Variants in CENPS observed in about 807,000 individuals in gnomAD.
CENPS encodes centromere protein S.
Under a neutral mutation model 17.9 loss-of-function variants are expected in CENPS, and 16 were observed. The observed-to-expected ratio is 0.90, with a 90% CI of 0.61 to 1.36. The LOEUF is 1.36. CENPS is among the 40% of genes most tolerant of loss of function. The pLI is 0.00. For missense variants in CENPS, 160 were observed against 158.6 expected (o/e 1.01, Z -0.05); for synonymous variants, 49 against 55.8 (o/e 0.88, Z 0.54).
chr1:10,430,601 G>A, intron 1 of CENPS, 33 bp downstream of exon 1: 7 of 1,527,946 alleles, frequency 4.6e-6, no homozygotes, highest in South Asian at 1.2e-5. Context: ...CTGGGCTGGG[G>A]CAGGACGGCG....
chr1:10,435,491 T>C (rs554836815), intron 3 of CENPS, among the ~76,000 whole-genome samples: 125 of 151,972 alleles, frequency 8.2e-4, no homozygotes, highest in Non-Finnish European at 1.6e-3. Context: ...CTGTGGATAT[T>C]CGTCCCTGAA....
At chr1:10,433,790 A>C in intron 1 of CENPS, 52 bp from the exon 2 acceptor site, 3 of 1,610,286 alleles carry the variant, frequency 1.9e-6, no homozygotes, top group Admixed American at 3.3e-5. Flanking sequence ...TAAGGCGTGA[A>C]AAGCTCTTAT....
At chr1:10,440,005 C>T (rs1471706117) in intron 3 of CENPS, 2 of 293,538 alleles carry the variant, frequency 6.8e-6, no homozygotes, top group Non-Finnish European at 1.3e-5. Flanking sequence ...GAGTTGTACA[C>T]TGACCTTCTT....
intron 4 of CENPS, among the ~76,000 whole-genome samples, chr1:10,441,476 G>T (rs1266015678): frequency 6.6e-6 from 1 of 151,078 alleles, no homozygotes. Flanking sequence ...CACCACACCC[G>T]GCTATTTTTG....
chr1:10,430,708 T>C (rs2124237955), intron 1 of CENPS, 140 bp downstream of exon 1: 1 of 364,658 alleles, frequency 2.7e-6, no homozygotes, highest in Non-Finnish European at 3.4e-6. Context: ...TGCGTTGGCT[T>C]AACTGCCGCG....
chr1:10,430,661 C>T (rs531438336), intron 1 of CENPS, 93 bp downstream of exon 1: 27 of 1,461,242 alleles, frequency 1.8e-5, no homozygotes, highest in East Asian at 5.7e-5. Flanking sequence ...GGCTTCTCAT[C>T]GGCACCCCGC....
chr1:10,435,455 G>A (rs773038377), intron 3 of CENPS, among the ~76,000 whole-genome samples: 12 of 151,788 alleles, frequency 7.9e-5, no homozygotes, highest in Non-Finnish European at 1.8e-4. Context: ...GGTTCTCGGA[G>A]GGCAAGCTCT....
intron 1 of CENPS, among the ~76,000 whole-genome samples, chr1:10,433,498 C>T (rs1054620579): frequency 3.3e-5 from 5 of 152,214 alleles, no homozygotes; most frequent in Non-Finnish European, 1.5e-5. Context: ...CTAGCATATG[C>T]CCTTACTGAG....
At chr1:10,434,357 C>T (rs1640055695) in intron 2 of CENPS, among the ~76,000 whole-genome samples, 1 of 152,106 alleles carries the variant, frequency 6.6e-6, no homozygotes, top group Non-Finnish European at 1.5e-5. Context: ...CCTCACAAGC[C>T]TTAACTGTAG....
chr1:10,435,702 A>AC (rs1640117309), intron 3 of CENPS, among the ~76,000 whole-genome samples: 1 of 144,970 alleles, frequency 6.9e-6, no homozygotes, highest in Non-Finnish European at 1.5e-5. Flanking sequence ...ACTTAAAAAT[A>AC]ATATATATAT....
Position 10,442,415 on chromosome 1 carries a change from C to A in CENPS, c.*10C>A. The A allele has an allele frequency of 6.4e-7, 1 of 1,563,662 alleles. No homozygotes were observed. The highest frequency in any genetic ancestry group is 8.6e-7 in the Non-Finnish European group (1 of 1,164,126). Reference sequence around the variant, plus strand: ...GGAAAGTGAGAATTAAAGTCCCTCGCCGCTTGGAAAGTGCAGCCTTCTACA... The same window carrying A: ...GGAAAGTGAGAATTAAAGTCCCTCGACGCTTGGAAAGTGCAGCCTTCTACA... On this transcript the variant is annotated 3_prime_UTR_variant, in exon 5 of 5. Transcript: ENST00000309048.
intron 1 of CENPS, 184 bp downstream of exon 1, chr1:10,430,752 G>C (rs1639869000): frequency 7.1e-7 from 1 of 1,403,130 alleles, no homozygotes; most frequent in Admixed American, 3.4e-5. Context: ...GCGGCAACGC[G>C]GCTGGACCCT....
At chr1:10,435,712 T>TACACACACACACAC (rs1157849538) in intron 3 of CENPS, among the ~76,000 whole-genome samples, 3 of 143,816 alleles carry the variant, frequency 2.1e-5, no homozygotes, top group Admixed American at 7.1e-5. Context: ...AATATATATA[T>TACACACACACACAC]ATATACACAC....
At chr1:10,432,121 CT>C (rs1421212123) in intron 1 of CENPS, among the ~76,000 whole-genome samples, 5 of 151,836 alleles carry the variant, frequency 3.3e-5, no homozygotes, top group Admixed American at 2.6e-4. Flanking sequence ...TAGTTTCACT[CT>C]TGTTGTCCAG....
intron 4 of CENPS, among the ~76,000 whole-genome samples, chr1:10,441,686 C>T (rs1640420318): frequency 8.0e-6 from 1 of 125,250 alleles, no homozygotes. Flanking sequence ...AGTGCAGTGG[C>T]GTGATCTCGG....
At chr1:10,430,627 G>C (rs1056254382) in intron 1 of CENPS, 59 bp downstream of exon 1, 1 of 1,506,240 alleles carries the variant, frequency 6.6e-7, no homozygotes, top group Non-Finnish European at 8.9e-7. Context: ...TTTCTGGACA[G>C]AAAAGTACCC....
At chr1:10,434,756 G>C in intron 3 of CENPS, 66 bp downstream of exon 3, 1 of 1,536,004 alleles carries the variant, frequency 6.5e-7, no homozygotes, top group South Asian at 1.3e-5. Context: ...TCCATCTGGT[G>C]GGTTATTTCA....
intron 3 of CENPS, among the ~76,000 whole-genome samples, chr1:10,437,704 A>C (rs1570044222): frequency 6.9e-6 from 1 of 145,592 alleles, no homozygotes; most frequent in Non-Finnish European, 1.5e-5. Context: ...TGATCCACCC[A>C]CCTCGGCCAG....
In CENPS at chr1:10,433,725, T is replaced by C. The variant is rs1266944708; in HGVS notation, c.52-117T>C. ...CACTTGAAAAGCCACTCAGCCATTATGGAAAGCGCCAGAGGGATTGGGCTG... is the reference window on the plus strand; with the variant it reads ...CACTTGAAAAGCCACTCAGCCATTACGGAAAGCGCCAGAGGGATTGGGCTG... On this transcript the variant is annotated intron_variant, in intron 1 of 4. Transcript: ENST00000309048. The C allele has an allele frequency of 2.6e-6, 4 of 1,516,356 alleles. No individual in the cohort carries two copies. In the African/African-American group the frequency reaches 4.2e-5, roughly 16 times the overall value. The allele number at this position is 1,516,356 out of a possible 1,614,324, so 93.9% of individuals were successfully genotyped here.
Sources: allele counts gnomAD v4.1 joint callset (sites outside exome capture counted in the v4.1 genomes callset), GRCh38; gene constraint gnomAD v4.1.1; transcripts MANE v1.5; gene names NCBI Gene and HGNC (gene_info 2026-07-23, HGNC 2026-07-21).